ERC1: variants seen among roughly 807,000 people sequenced by gnomAD.
ERC1 encodes the protein ELKS/RAB6-interacting/CAST family member 1.
A neutral mutation model predicts 132.0 loss-of-function variants in ERC1; 56 were observed. That is an observed-to-expected ratio of 0.42 (90% CI 0.34 to 0.53). The LOEUF (loss-of-function observed/expected upper bound fraction) is 0.53. Ranked by LOEUF, ERC1 falls within the 20% of genes least tolerant of loss-of-function variation. The pLI, the probability that ERC1 is intolerant of heterozygous loss-of-function variation, is 0.03. For synonymous variants in ERC1, 478 were observed against 476.1 expected (o/e 1.00, Z -0.05); for missense variants, 1,202 against 1,349.9 (o/e 0.89, Z 1.72).
chr12:1,167,779 T>G (rs1322661380), intron 8 of ERC1, among the ~76,000 whole-genome samples: 3 of 150,696 alleles, frequency 2.0e-5, no homozygotes, highest in African/African-American at 4.9e-5. Context: ...TGCAGTGGCG[T>G]GATCTCAGCT....
chr12:1,116,016 GC>G lies in ERC1; in HGVS notation c.1554del (p.Ile519SerfsTer20). 6.2e-7 allele frequency: 1 copy of G among 1,612,260 alleles called. No individual in the cohort carries two copies. The highest frequency in any genetic ancestry group is 8.5e-7 in the Non-Finnish European group (1 of 1,179,206). ...CTTGACTGCTAAGGAGCAGAGGGCT[GC>G]CATCCTGCAGACTGAGGTAGAAACA... ...ESLTAKEQRA[A>X]ILQTEVDALR... On this transcript the variant is annotated frameshift_variant, in exon 7 of 19. Coordinates refer to ENST00000360905, the MANE Select transcript of ERC1 (RefSeq NM_178040.4). LOFTEE classifies it high-confidence loss of function.
At chr12:1,173,369 G>A (rs531644756) in intron 8 of ERC1, among the ~76,000 whole-genome samples, 1 of 152,232 alleles carries the variant, frequency 6.6e-6, no homozygotes, top group East Asian at 1.9e-4. Context: ...CACCACCACT[G>A]TTAGAATCGT....
intron 15 of ERC1, among the ~76,000 whole-genome samples, chr12:1,345,430 G>T (rs1227091926): frequency 6.6e-6 from 1 of 152,004 alleles, no homozygotes. Flanking sequence ...TGATCTGCCC[G>T]CCTCGGCCTC....
intron 2 of ERC1, among the ~76,000 whole-genome samples, chr12:1,032,095 G>T (rs564379818): frequency 6.6e-6 from 1 of 151,476 alleles, no homozygotes; most frequent in East Asian, 1.9e-4. Context: ...GCCCAGGCTG[G>T]AGTGCAGCGA....
At chr12:1,353,195 T>G (rs61169285) in intron 15 of ERC1, among the ~76,000 whole-genome samples, 2,468 of 152,132 alleles carry the variant, frequency 0.016, 69 homozygotes, top group African/African-American at 0.056. Context: ...CACACCCAGC[T>G]AATTTTTTGT....
chr12:1,275,925 A>T (rs1225725462), intron 14 of ERC1, among the ~76,000 whole-genome samples: 3 of 152,148 alleles, frequency 2.0e-5, no homozygotes, highest in Non-Finnish European at 2.9e-5. Flanking sequence ...ACACTTACTG[A>T]TTACCTACTG....
At chr12:1,365,131 A>G (rs1434898625) in intron 15 of ERC1, among the ~76,000 whole-genome samples, 2 of 152,088 alleles carry the variant, frequency 1.3e-5, no homozygotes, top group Non-Finnish European at 2.9e-5. Context: ...GATACCTTCT[A>G]CTTGTGCACC....
At chr12:1,377,221 C>T (rs80335021) in intron 16 of ERC1, among the ~76,000 whole-genome samples, 237 of 152,286 alleles carry the variant, frequency 1.6e-3, no homozygotes, top group African/African-American at 5.4e-3. Flanking sequence ...TATTAACTTC[C>T]GTCCACTCTC....
At chr12:1,100,037 A>C (rs549751126) in intron 3 of ERC1, among the ~76,000 whole-genome samples, 1 of 151,576 alleles carries the variant, frequency 6.6e-6, no homozygotes, top group Non-Finnish European at 1.5e-5. Flanking sequence ...TTTAGTAGAG[A>C]TAAGATTTTA....
chr12:1,022,127 G>T (rs950582387), intron 1 of ERC1, among the ~76,000 whole-genome samples: 2 of 152,094 alleles, frequency 1.3e-5, no homozygotes, highest in Non-Finnish European at 2.9e-5. Flanking sequence ...ATGTTGTCCA[G>T]GCTGGTCTTG....
At chr12:1,414,872 A>G (rs2092039089) in intron 17 of ERC1, among the ~76,000 whole-genome samples, 1 of 152,040 alleles carries the variant, frequency 6.6e-6, no homozygotes, top group Non-Finnish European at 1.5e-5. Flanking sequence ...GTGTGTGTGT[A>G]TTTATTTAAC....
At chr12:1,354,480 C>A (rs968670082) in intron 15 of ERC1, among the ~76,000 whole-genome samples, 5 of 151,782 alleles carry the variant, frequency 3.3e-5, no homozygotes, top group African/African-American at 1.2e-4. Flanking sequence ...CCGAGATTGC[C>A]CCGTTGCATT....
In ERC1 at chr12:1,027,999, C is replaced by T. The variant is rs1300534660; in HGVS notation, c.96C>T (p.His32=). 6.2e-7 allele frequency: 1 copy of T among 1,614,152 alleles called. No homozygotes were observed. Among genetic ancestry groups the T allele is most frequent in the Non-Finnish European group, 8.5e-7 (1 of 1,180,028 alleles). The change falls in exon 2 of 19, where the codon CAC becomes CAT. Residue 32 remains histidine (H), a synonymous_variant. Transcript: ENST00000360905. ...PRLPRSPRLG[H]RRTNSTGGSS... Reference sequence around the variant, plus strand: ...TTCCACGTTCCCCTCGCTTGGGTCACCGTCGAACCAACAGTACGGGAGGGA... The same window carrying T: ...TTCCACGTTCCCCTCGCTTGGGTCATCGTCGAACCAACAGTACGGGAGGGA...
chr12:1,240,006 T>C (rs562963479), intron 13 of ERC1, among the ~76,000 whole-genome samples: 4 of 152,292 alleles, frequency 2.6e-5, no homozygotes, highest in African/African-American at 9.6e-5. Context: ...CACTGCGCTA[T>C]AGCATCATGC....
chr12:1,110,619 A>T (rs982537086), intron 5 of ERC1, among the ~76,000 whole-genome samples: 1 of 152,242 alleles, frequency 6.6e-6, no homozygotes, highest in African/African-American at 2.4e-5. Context: ...CATATCTATT[A>T]GTACTTCCGA....
chr12:1,102,840 T>C, intron 3 of ERC1, among the ~76,000 whole-genome samples: 1 of 152,172 alleles, frequency 6.6e-6, no homozygotes, highest in Non-Finnish European at 1.5e-5. Flanking sequence ...TGTGTTAAAT[T>C]TTAAAATAAG....
rs2093728734 is a variant in ERC1, at chr12:1,465,688, CT to C, written c.3213+20939del. On this transcript the variant is annotated intron_variant, in intron 18 of 18. Transcript: ENST00000360905. ...CCACTTGACTCCCCTGTGCCCATGC[CT>C]GAAAGCCCCGCTTCCCCTAGAGAGG... Among the ~76,000 whole-genome samples, 2 of 152,188 alleles carry C rather than the reference CT, an allele frequency of 1.3e-5. 1 individual carries two copies. Among genetic ancestry groups the C allele is most frequent in the South Asian group, 4.1e-4 (2 of 4,832 alleles).
chr12:1,312,162 T>TAAC (rs1196006889), intron 15 of ERC1, among the ~76,000 whole-genome samples: 1 of 152,210 alleles, frequency 6.6e-6, no homozygotes, highest in Non-Finnish European at 1.5e-5. Flanking sequence ...CATCTCTGTG[T>TAAC]AATCAGTGGT....
Position 1,427,508 on chromosome 12 carries a change from C to T in ERC1, c.3025-17054C>T, listed in dbSNP as rs144358372. Reference sequence around the variant, plus strand: ...ATGACAGTAGTGCAACTATAAATTTCGTATTTTCTTTTTTTTAATATATTG... The same window carrying T: ...ATGACAGTAGTGCAACTATAAATTTTGTATTTTCTTTTTTTTAATATATTG... On this transcript the variant is annotated intron_variant, in intron 17 of 18. Coordinates refer to ENST00000360905, the MANE Select transcript of ERC1 (RefSeq NM_178040.4). Among the ~76,000 whole-genome samples the T allele has an allele frequency of 9.9e-5, 15 of 152,130 alleles. No individual in the cohort carries two copies. The East Asian group carries it at 2.5e-3, about 25-fold the overall frequency.
Sources: allele counts gnomAD v4.1 joint callset (sites outside exome capture counted in the v4.1 genomes callset), GRCh38; gene constraint gnomAD v4.1.1; transcripts MANE v1.5; gene names NCBI Gene and HGNC (gene_info 2026-07-23, HGNC 2026-07-21).